Variants in MUC5B observed in about 807,000 individuals in gnomAD.
MUC5B encodes the protein mucin-5B.
Under a neutral mutation model 376.9 loss-of-function variants are expected in MUC5B, and 116 were observed. That is an observed-to-expected ratio of 0.31 (90% CI 0.26 to 0.36). The LOEUF (loss-of-function observed/expected upper bound fraction) is 0.36, where lower values mean the gene tolerates loss of function less well. MUC5B is among the 10% of genes least tolerant of loss of function. The pLI, the probability that MUC5B is intolerant of heterozygous loss-of-function variation, is 1.00. For missense variants in MUC5B, 7,165 were observed against 7,769.9 expected (o/e 0.92, Z 2.93); for synonymous variants, 3,517 against 3,390.9 (o/e 1.04, Z -1.29).
rs1405572020 is a variant in MUC5B, at chr11:1,232,008, A to G, written c.1691A>G (p.Asn564Ser). ...CCCTGGCCCCCAGGCCTGTGTGGGAACTTCAACCAGAACCAGGCTGACGAC... is the reference window on the plus strand; with the variant it reads ...CCCTGGCCCCCAGGCCTGTGTGGGAGCTTCAACCAGAACCAGGCTGACGAC... ...HQGQMCGLCG[N>S]FNQNQADDFT... is the part of the protein sequence containing the mutation. The change falls in exon 15 of 49, where the codon AAC becomes AGC. Residue 564 changes from asparagine (N) to serine (S), a missense_variant. Physicochemically the swap from Asn to Ser is conservative, Grantham distance 46. This residue lies in a region of MUC5B where 18 missense variants were observed against 54.5 expected (regional missense o/e 0.33). Coordinates refer to ENST00000529681, the MANE Select transcript of MUC5B (RefSeq NM_002458.3). The G allele has an allele frequency of 6.2e-7, 1 of 1,612,642 alleles. No individual in the cohort carries two copies. Among genetic ancestry groups the G allele is most frequent in the Non-Finnish European group, 8.5e-7 (1 of 1,179,770 alleles).
chr11:1,256,704 G>A lies in MUC5B; in HGVS notation c.16170G>A (p.Glu5390=). The change falls in exon 39 of 49, where the codon GAG becomes GAA. Residue 5390 remains glutamate (E), a synonymous_variant. Transcript: ENST00000529681. The part of the protein sequence containing the change: ...NQSPQLEGMA[E]GCFCPEDQIL... ...GCCCACAGCTGGAGGGGATGGCGGA[G>A]GGCTGCTTCTGCCCTGAGGACCAGA... The A allele has an allele frequency of 2.5e-6, 4 of 1,568,688 alleles. No homozygotes were observed. Among genetic ancestry groups the A allele is most frequent in the Non-Finnish European group, 3.5e-6 (4 of 1,158,684 alleles).
At chr11:1,229,566 C>A (rs944086496) in intron 9 of MUC5B, 124 bp from the exon 10 acceptor site, 10 of 901,048 alleles carry the variant, frequency 1.1e-5, no homozygotes, top group African/African-American at 8.2e-5. Context: ...CAGCTCAGGG[C>A]GGGGGCGGTG....
Position 1,250,320 on chromosome 11 carries a change from T to G in MUC5B, c.13440T>G (p.His4480Gln). Residue 4480 changes from histidine to glutamine, a missense_variant, in exon 31 of 49, where the codon CAT becomes CAG. Physicochemically the swap from His to Gln is conservative, Grantham distance 24 (BLOSUM62 0). Transcript: ENST00000529681. ...CCCAGGCAACTGCTGGCACCCCACA[T>G]GTGAGCACCACGGCCACGACACCCA... The part of the protein sequence containing the change: ...SSTQATAGTP[H>Q]VSTTATTPTV... 1 of 1,590,398 alleles carries G rather than the reference T, an allele frequency of 6.3e-7. No individual in the cohort carries two copies. The highest frequency in any genetic ancestry group is 1.1e-5 in the South Asian group (1 of 90,804).
In MUC5B at chr11:1,234,251, G is replaced by A. The variant is rs747140553; in HGVS notation, c.2424G>A (p.Ala808=). The change falls in exon 20 of 49, where the codon GCG becomes GCA. Residue 808 remains alanine, a synonymous_variant. Transcript: ENST00000529681. This position sits in a 1 kb window ranked among gnomAD's most constrained non-coding sequence, Gnocchi z 6.3. ...ACCTGGACTGCAGCAACAGCTCGGC[G>A]GGCACCCCTGGGGCCGAGTGCCTCC... ...MVYLDCSNSS[A]GTPGAECLRS... 1.1e-5 allele frequency: 17 copies of A among 1,607,132 alleles called. No homozygotes were observed. Among genetic ancestry groups the A allele is most frequent in the East Asian group, 2.2e-5 (1 of 44,764 alleles).
chr11:1,245,337 C>G lies in MUC5B; in HGVS notation c.8457C>G (p.Thr2819=). Reference sequence around the variant, plus strand: ...GCCCTCACCCTAGCAGCAGGACCACCGAGTCACCCCCTTCTCCAGGGACGA... The same window carrying G: ...GCCCTCACCCTAGCAGCAGGACCACGGAGTCACCCCCTTCTCCAGGGACGA... ...LSSPHPSSRT[T]ESPPSPGTTT... The change falls in exon 31 of 49, where the codon ACC becomes ACG. Residue 2819 remains threonine, a synonymous_variant. Transcript: ENST00000529681. 6.3e-7 allele frequency: 1 copy of G among 1,595,058 alleles called. No individual in the cohort carries two copies. The highest frequency in any genetic ancestry group is 8.5e-7 in the Non-Finnish European group (1 of 1,171,020).
Position 1,257,956 on chromosome 11 carries a change from A to T in MUC5B, c.16451-143A>T, listed in dbSNP as rs1001109919. The T allele has an allele frequency of 3.1e-5, 30 of 965,072 alleles. No homozygotes were observed. The Middle Eastern group carries it at 9.9e-4, about 32-fold the overall frequency. The allele number at this position is 965,072 out of a possible 1,614,324, so 59.8% of individuals were successfully genotyped here. A position where few individuals can be genotyped will look rare whatever the true frequency, so the allele number is the denominator to read the frequency against. On this transcript the variant is annotated intron_variant, in intron 41 of 48. Coordinates refer to ENST00000529681, the MANE Select transcript of MUC5B (RefSeq NM_002458.3). The surrounding 1 kb of genome is among the most constrained non-coding windows in gnomAD (Gnocchi z 8.9). ...CGTGGGAAGCAGCGGGGAGGTGGCC[A>T]AGCAAGGGGCCTGGAGGGAGCCCCC...
In MUC5B at chr11:1,235,227, C is replaced by T. The variant is rs56252247; in HGVS notation, c.2769+4C>T. On this transcript the variant is annotated splice_donor_region_variant and intron_variant, in intron 22 of 48. Transcript: ENST00000529681. ...CTGCGAGTACATCTTGGCCCAGGTA[C>T]GCCGCCCCCTCGCCCACTCCTGCAG... 3.6e-3 allele frequency: 5,813 copies of T among 1,612,418 alleles called. 189 individuals are homozygous for T. In the African/African-American group the frequency reaches 0.068, roughly 19 times the overall value.
rs1344661387 is a variant in MUC5B at position 1,246,600 on chromosome 11, C to A, written c.9720C>A (p.Ile3240=). ...CCACAGCTACCAGCGTTACAGCCAT[C>A]CCCTCTTCCTCCCTGGGCACCGCCT... The part of the protein sequence containing the change: ...TTPTATSVTA[I]PSSSLGTAWT... Residue 3240 remains isoleucine (I), a synonymous_variant, in exon 31 of 49, where the codon ATC becomes ATA. Coordinates refer to ENST00000529681, the MANE Select transcript of MUC5B (RefSeq NM_002458.3). The A allele has an allele frequency of 6.2e-7, 1 of 1,613,346 alleles. No homozygotes were observed. Among genetic ancestry groups the A allele is most frequent in the Non-Finnish European group, 8.5e-7 (1 of 1,179,644 alleles).
chr11:1,231,666 G>T, intron 14 of MUC5B, 106 bp downstream of exon 14: 1 of 1,360,610 alleles, frequency 7.3e-7, no homozygotes, highest in Non-Finnish European at 9.8e-7. Context: ...GGACCGGGGA[G>T]GGGGCTGCCC....
rs1862566729 is a variant in MUC5B at position 1,248,575 on chromosome 11, A to T, written c.11695A>T (p.Thr3899Ser). The change falls in exon 31 of 49, where the codon ACC becomes TCC. Residue 3899 changes from threonine (T) to serine (S), a missense_variant. Thr to Ser is a moderately conservative substitution (Grantham distance 58). Around this residue, in one of 31 missense-constraint regions of MUC5B, gnomAD observed 242 missense variants for 199.0 expected, o/e 1.22. Transcript: ENST00000529681. ...GATCAGCACAACCACCACACCCACA[A>T]CCAGTGGCTCCACGGTGACCCCCTC... ...VWISTTTTPT[T>S]SGSTVTPSSV... 6.2e-7 allele frequency: 1 copy of T among 1,612,094 alleles called. No individual in the cohort carries two copies.
rs1297470734 is a variant in MUC5B, at chr11:1,223,096, C to T, written c.-28C>T. The T allele has an allele frequency of 3.6e-5, 25 of 696,220 alleles. No individual in the cohort carries two copies. Among genetic ancestry groups the T allele is most frequent in the East Asian group, 8.1e-5 (3 of 37,058 alleles). The allele number at this position is 696,220 out of a possible 1,614,324, so 43.1% of individuals were successfully genotyped here. A position where few individuals can be genotyped will look rare whatever the true frequency, so the allele number is the denominator to read the frequency against. On this transcript the variant is annotated 5_prime_UTR_variant, in exon 1 of 49. Transcript: ENST00000529681. ...GCCCGGCTCCCTCCCTGCCCGTCCC[C>T]GTCCCCCCACCCGTGCCAGCCCCCA...
In MUC5B at chr11:1,242,500, G is replaced by C. The variant is rs550578181; in HGVS notation, c.5620G>C (p.Val1874Leu). The C allele has an allele frequency of 2.5e-6, 4 of 1,613,704 alleles. No individual in the cohort carries two copies. The highest frequency in any genetic ancestry group is 3.3e-5 in the Admixed American group (2 of 60,000). The change falls in exon 31 of 49, where the codon GTG (valine) becomes CTG (leucine). Residue 1874 changes from valine to leucine, a missense_variant. This residue lies in a region of MUC5B where 897 missense variants were observed against 779.6 expected (regional missense o/e 1.15). Coordinates refer to ENST00000529681, the MANE Select transcript of MUC5B (RefSeq NM_002458.3). ...GTTCAACATGTGCTTCAACTACAAC[G>C]TGCGTGTGCTTTGCTGTGACGACTA... ...GRFNMCFNYN[V>L]RVLCCDDYSH... is the part of the protein sequence containing the mutation.
chr11:1,250,911 C>G lies in MUC5B; in HGVS notation c.14031C>G (p.Pro4677=). The change falls in exon 31 of 49, where the codon CCC becomes CCG. Residue 4677 remains proline, a synonymous_variant. Transcript: ENST00000529681. ...CTAGCACACAGACCAGTGGTACTCC[C>G]CCATCACTGACCACCACGGCCACTA... ...PSSSTQTSGT[P]PSLTTTATTI... 2 of 1,591,660 alleles carry G rather than the reference C, an allele frequency of 1.3e-6. No individual in the cohort carries two copies. Among genetic ancestry groups the G allele is most frequent in the East Asian group, 2.3e-5 (1 of 43,344 alleles).
chr11:1,240,740 C>A (rs1372337098), intron 30 of MUC5B, 111 bp from the exon 31 acceptor site: 26 of 1,053,528 alleles, frequency 2.5e-5, no homozygotes, highest in Non-Finnish European at 3.0e-5. Flanking sequence ...TCCCCAGTAT[C>A]CCACAGGGGC....
chr11:1,259,404 C>T (rs1027821207), intron 44 of MUC5B: 13 of 488,776 alleles, frequency 2.7e-5, no homozygotes, highest in African/African-American at 2.3e-4. Context: ...ATCCTGGCTC[C>T]CTGGGGTTCT....
At chr11:1,233,889 G>A (rs779231424) in intron 19 of MUC5B, 41 bp downstream of exon 19, 105 of 1,514,004 alleles carry the variant, frequency 6.9e-5, no homozygotes, top group Admixed American at 2.7e-4. Context: ...GCCCCGCCCC[G>A]CATCACCCCG....
At position 1,254,362 on chromosome 11, in the gene MUC5B, G is replaced by A. The variant is rs56088961; in HGVS notation, c.15477+11G>A. ...AAGGAGGAGGGCCTGGTGAGTCCAGGCTGCGGGTGGCACAGTGTTGGCCCA... is the reference window on the plus strand; with the variant it reads ...AAGGAGGAGGGCCTGGTGAGTCCAGACTGCGGGTGGCACAGTGTTGGCCCA... On this transcript the variant is annotated intron_variant, in intron 34 of 48. Transcript: ENST00000529681. 59,597 of 1,598,328 alleles carry A rather than the reference G, an allele frequency of 0.037. 1,441 individuals are homozygous for A. Among genetic ancestry groups the A allele is most frequent in the African/African-American group, 0.097 (7,312 of 75,004 alleles).
Position 1,234,061 on chromosome 11 carries a change from G to C in MUC5B, c.2378-144G>C. On this transcript the variant is annotated intron_variant, in intron 19 of 48. Coordinates refer to ENST00000529681, the MANE Select transcript of MUC5B (RefSeq NM_002458.3). This position sits in a 1 kb window ranked among gnomAD's most constrained non-coding sequence, Gnocchi z 6.3. ...CCCCGCAGTGTGGCCGGGGTGTCCT[G>C]GGGTTGGGGGCTGCAGGTGTCATGG... The C allele has an allele frequency of 1.2e-6, 1 of 816,412 alleles. No individual in the cohort carries two copies. The highest frequency in any genetic ancestry group is 1.7e-5 in the South Asian group (1 of 60,568). 50.6% of individuals were successfully genotyped at this position (816,412 alleles called of 1,614,324 possible). A position where few individuals can be genotyped will look rare whatever the true frequency, so the allele number is the denominator to read the frequency against.
chr11:1,257,187 C>G lies in MUC5B; in HGVS notation c.16238-53C>G. 1 of 779,394 alleles carries G rather than the reference C, an allele frequency of 1.3e-6. No individual in the cohort carries two copies. The highest frequency in any genetic ancestry group is 1.3e-5 in the South Asian group (1 of 74,598). The allele number at this position is 779,394 out of a possible 1,614,324, so 48.3% of individuals were successfully genotyped here. A position where few individuals can be genotyped will look rare whatever the true frequency, so the allele number is the denominator to read the frequency against. ...AGAGCACCTCCCATGGCCAGAGGCC[C>G]CTCCGCCTGCAAACTCAGCACCCTC... On this transcript the variant is annotated intron_variant, in intron 39 of 48. Transcript: ENST00000529681. This position sits in a 1 kb window ranked among gnomAD's most constrained non-coding sequence, Gnocchi z 8.9.
Sources: allele counts gnomAD v4.1 joint callset, GRCh38; gene constraint gnomAD v4.1.1; regional missense constraint gnomAD v4.1.1; non-coding constraint Gnocchi (gnomAD v3.1); transcripts MANE v1.5; gene names NCBI Gene and HGNC (gene_info 2026-07-23, HGNC 2026-07-21).